The following ARNT2 variants were observed in gnomAD, a reference collection of about 807,000 sequenced individuals.
ARNT2 encodes aryl hydrocarbon receptor nuclear translocator 2, also known as ARNT protein 2.
In ARNT2, 36 loss-of-function variants were observed where a neutral mutation model predicts 91.7. The ratio of observed to expected loss-of-function variants is 0.39; its 90% CI spans 0.30 to 0.52. The LOEUF (loss-of-function observed/expected upper bound fraction) is 0.52. ARNT2 is among the 20% of genes least tolerant of loss of function. The probability of loss-of-function intolerance (pLI) is 0.72; values close to 1 mark genes in which losing one functional copy is unlikely to be tolerated. For missense variants in ARNT2, 775 were observed against 939.3 expected, an observed-to-expected ratio of 0.83 and a Z score of 2.29; for synonymous variants, 365 against 347.1, an observed-to-expected ratio of 1.05 and a Z score of -0.57.
In ARNT2 at chr15:80,404,575, G is replaced by C. The variant is rs773149547; in HGVS notation, c.31+29G>C. On this transcript the variant is annotated intron_variant, in intron 1 of 18. Coordinates refer to ENST00000303329, the MANE Select transcript of ARNT2 (RefSeq NM_014862.4). The surrounding 1 kb of genome is among the most constrained non-coding windows in gnomAD (Gnocchi z 5.5). The stretch of plus-strand genomic sequence containing the variant: ...AGTAGCGGCCTGGGCCCCGCCGCCC[G>C]CCGCAGCCCGCAGGCCTTGCCCGGG... 3.8e-5 allele frequency: 41 copies of C among 1,083,656 alleles called. 1 individual carries two copies. The South Asian group carries it at 1.2e-3, about 31-fold the overall frequency. 67.1% of individuals were successfully genotyped at this position (1,083,656 alleles called of 1,614,324 possible). A position where few individuals can be genotyped will look rare whatever the true frequency, so the allele number is the denominator to read the frequency against.
intron 1 of ARNT2, among the ~76,000 whole-genome samples, chr15:80,448,961 G>C (rs1340139706): frequency 6.6e-6 from 1 of 152,172 alleles, no homozygotes; most frequent in East Asian, 1.9e-4. Context: ...CTCCAGCCTG[G>C]GTGACAGAGT....
intron 8 of ARNT2, among the ~76,000 whole-genome samples, chr15:80,525,617 G>A (rs1270421496): frequency 6.6e-6 from 1 of 152,154 alleles, no homozygotes; most frequent in Admixed American, 6.5e-5. Flanking sequence ...CACTTTGAGG[G>A]ATGGGTATGT....
intron 8 of ARNT2, among the ~76,000 whole-genome samples, chr15:80,528,711 C>G (rs191375274): frequency 1.9e-3 from 288 of 152,290 alleles, no homozygotes; most frequent in African/African-American, 6.4e-3. Flanking sequence ...TCTCCCCACT[C>G]TCTCACTATG....
At chr15:80,471,345 AAG>A (rs1435485432) in intron 4 of ARNT2, among the ~76,000 whole-genome samples, 4 of 152,174 alleles carry the variant, frequency 2.6e-5, no homozygotes, top group African/African-American at 4.8e-5. Context: ...CATGGACACA[AAG>A]AGGGGAACAA....
Position 80,592,692 on chromosome 15 carries a change from G to A in ARNT2, c.2056-908G>A, listed in dbSNP as rs184122393. Among the ~76,000 whole-genome samples the A allele has an allele frequency of 4.1e-3, 625 of 152,300 alleles. 7 individuals are homozygous for A. Among genetic ancestry groups the A allele is most frequent in the African/African-American group, 0.014 (599 of 41,562 alleles). ...AGGGGAACGGCTCACCCAGGCCTTCGCCTGCCTCCCCTGACTGCAGCCATC... is the reference window on the plus strand; with the variant it reads ...AGGGGAACGGCTCACCCAGGCCTTCACCTGCCTCCCCTGACTGCAGCCATC... On this transcript the variant is annotated intron_variant, in intron 18 of 18. Transcript: ENST00000303329.
chr15:80,571,791 TG>T (rs1186543469), intron 12 of ARNT2, among the ~76,000 whole-genome samples: 4 of 152,248 alleles, frequency 2.6e-5, no homozygotes, highest in Non-Finnish European at 1.5e-5. Flanking sequence ...CTTTCCCAAA[TG>T]GGGCAGACAG....
intron 3 of ARNT2, among the ~76,000 whole-genome samples, chr15:80,463,112 C>T (rs969802027): frequency 2.0e-5 from 3 of 152,172 alleles, no homozygotes; most frequent in Admixed American, 6.5e-5. Flanking sequence ...TTAGTCTGAG[C>T]GTCTTAGCCT....
At chr15:80,504,904 C>T (rs531579459) in intron 5 of ARNT2, among the ~76,000 whole-genome samples, 17 of 152,054 alleles carry the variant, frequency 1.1e-4, no homozygotes, top group African/African-American at 3.9e-4. Context: ...CAGGGGCCTG[C>T]GTGGAGTGGT....
chr15:80,412,506 GTA>G (rs35163086), intron 1 of ARNT2, among the ~76,000 whole-genome samples: 122,091 of 151,196 alleles, frequency 0.81, 49,530 homozygotes, highest in East Asian at 0.98. Context: ...GTGTGTGTGT[GTA>G]TATATATATA....
At chr15:80,584,058 T>C (rs1898846640) in intron 17 of ARNT2, among the ~76,000 whole-genome samples, 1 of 152,118 alleles carries the variant, frequency 6.6e-6, no homozygotes, top group Non-Finnish European at 1.5e-5. Flanking sequence ...AGGGAGAGTG[T>C]GTTGAAAGCC....
chr15:80,455,807 T>C (rs765322356), intron 2 of ARNT2, among the ~76,000 whole-genome samples: 2 of 152,224 alleles, frequency 1.3e-5, no homozygotes, highest in Non-Finnish European at 2.9e-5. Context: ...CTAAAAGGAA[T>C]TTTAAAGATA....
At chr15:80,576,431 C>A (rs1435023275) in intron 14 of ARNT2, among the ~76,000 whole-genome samples, 1 of 152,166 alleles carries the variant, frequency 6.6e-6, no homozygotes, top group Non-Finnish European at 1.5e-5. Flanking sequence ...TGGCTGCCAC[C>A]ATGCCTGGCT....
At chr15:80,515,898 T>C (rs1045990823) in intron 8 of ARNT2, among the ~76,000 whole-genome samples, 66 of 145,576 alleles carry the variant, frequency 4.5e-4, no homozygotes, top group Non-Finnish European at 8.3e-4. Flanking sequence ...TGAGACGGAG[T>C]TTCACTCATT....
At chr15:80,491,575 T>C (rs1336698188) in intron 5 of ARNT2, among the ~76,000 whole-genome samples, 1 of 152,082 alleles carries the variant, frequency 6.6e-6, no homozygotes, top group Non-Finnish European at 1.5e-5. Flanking sequence ...AGAGAACCAT[T>C]ATGCACTTGG....
At position 80,475,074 on chromosome 15, in the gene ARNT2, G is replaced by T. The variant is rs770237034; in HGVS notation, c.473G>T (p.Gly158Val). 6.2e-7 allele frequency: 1 copy of T among 1,614,150 alleles called. No individual in the cohort carries two copies. The highest frequency in any genetic ancestry group is 8.5e-7 in the Non-Finnish European group (1 of 1,180,036). Residue 158 changes from glycine (G) to valine (V), a missense_variant, in exon 5 of 19, where the codon GGG becomes GTG. Transcript: ENST00000303329. Reference sequence around the variant, plus strand: ...CTGTTTGTGGTGGCTGCTGAGACAGGGCGAGTGATTTATGTGTCTGACTCC... The same window carrying T: ...CTGTTTGTGGTGGCTGCTGAGACAGTGCGAGTGATTTATGTGTCTGACTCC... ...GFLFVVAAET[G>V]RVIYVSDSVT...
intron 1 of ARNT2, among the ~76,000 whole-genome samples, chr15:80,435,442 G>C (rs1896072227): frequency 6.6e-6 from 1 of 152,148 alleles, no homozygotes; most frequent in Non-Finnish European, 1.5e-5. Flanking sequence ...CTGAGCGGAG[G>C]CTGCATGGGC....
intron 1 of ARNT2, among the ~76,000 whole-genome samples, chr15:80,432,833 C>G (rs934271078): frequency 6.6e-6 from 1 of 152,128 alleles, no homozygotes. Flanking sequence ...CTCATGCTCC[C>G]CTATCTTCAA....
chr15:80,448,941 C>T (rs991761692), intron 1 of ARNT2, among the ~76,000 whole-genome samples: 1 of 152,124 alleles, frequency 6.6e-6, no homozygotes. Flanking sequence ...GCCAAGATCA[C>T]GCCACTGCTC....
At chr15:80,535,265 C>T (rs148369588) in intron 8 of ARNT2, among the ~76,000 whole-genome samples, 3 of 152,284 alleles carry the variant, frequency 2.0e-5, no homozygotes, top group East Asian at 3.9e-4. Context: ...TTATAAAACA[C>T]GTGATTGCTG....
Sources: gnomAD v4.1 joint callset for allele counts (sites outside exome capture counted in the v4.1 genomes callset) on GRCh38, gnomAD v4.1.1 for gene constraint, Gnocchi (gnomAD v3.1) non-coding constraint, MANE v1.5 for transcripts, NCBI Gene and HGNC (gene_info 2026-07-23, HGNC 2026-07-21) for gene names.